KIFAP3: variants seen among roughly 807,000 people sequenced by gnomAD.
The protein encoded by KIFAP3 is kinesin associated protein 3.
KIFAP3 carries 68 observed loss-of-function variants against 106.5 expected under a neutral mutation model. The observed-to-expected ratio is 0.64, with a 90% CI of 0.53 to 0.78. The LOEUF (loss-of-function observed/expected upper bound fraction) is 0.78. KIFAP3 is among the 30% of genes least tolerant of loss of function. The probability of loss-of-function intolerance (pLI) is 0.00; values close to 1 mark genes in which losing one functional copy is unlikely to be tolerated. For synonymous variants in KIFAP3, 320 were observed against 311.5 expected (o/e 1.03, Z -0.29); for missense variants, 780 against 941.8 (o/e 0.83, Z 2.25).
intron 10 of KIFAP3, among the ~76,000 whole-genome samples, chr1:170,002,581 C>G (rs1042880910): frequency 6.6e-6 from 1 of 152,150 alleles, no homozygotes; most frequent in Non-Finnish European, 1.5e-5. Context: ...AAAATTTACA[C>G]AGGTAGAACT....
At chr1:169,940,180 T>C (rs1474126988) in intron 19 of KIFAP3, among the ~76,000 whole-genome samples, 4 of 152,204 alleles carry the variant, frequency 2.6e-5, no homozygotes, top group Non-Finnish European at 4.4e-5. Flanking sequence ...GAATAGTTTA[T>C]TGATTGAGTG....
chr1:169,970,686 C>T (rs530200023), intron 17 of KIFAP3, among the ~76,000 whole-genome samples: 2 of 152,080 alleles, frequency 1.3e-5, no homozygotes, highest in East Asian at 3.9e-4. Flanking sequence ...AATTTTAAGA[C>T]ATCATCCACT....
At position 169,994,819 on chromosome 1, in the gene KIFAP3, A is replaced by G. The variant is rs115397676; in HGVS notation, c.1184-2564T>C. 5.6e-3 allele frequency among the ~76,000 whole-genome samples: 853 copies of G among 152,138 alleles called. 9 individuals are homozygous for G. Among genetic ancestry groups the G allele is most frequent in the African/African-American group, 0.019 (780 of 41,552 alleles). ...TTAAGGTAAATTTCACATTTCTTCT[A>G]TTGTTTGAAGAGCTTTACTACAAAA... On this transcript the variant is annotated intron_variant, in intron 10 of 19. Transcript: ENST00000361580.
At chr1:169,985,647 G>A (rs1307419247) in intron 11 of KIFAP3, among the ~76,000 whole-genome samples, 1 of 151,922 alleles carries the variant, frequency 6.6e-6, no homozygotes, top group Non-Finnish European at 1.5e-5. Context: ...ACAGGCCTGA[G>A]TTTAGAAGAA....
At chr1:169,975,645 C>T (rs923597000) in intron 16 of KIFAP3, among the ~76,000 whole-genome samples, 3 of 151,892 alleles carry the variant, frequency 2.0e-5, no homozygotes, top group Non-Finnish European at 4.4e-5. Context: ...GACAGAGCCT[C>T]GTTCTGTCAT....
At chr1:169,978,268 GAAAAACT>G in intron 15 of KIFAP3, 85 bp from the exon 16 acceptor site, 1 of 857,296 alleles carries the variant, frequency 1.2e-6, no homozygotes, top group Non-Finnish European at 1.9e-6. Flanking sequence ...TATAGAACGA[GAAAAACT>G]AAAAGTGATA....
At chr1:170,016,659 C>T (rs1186463922) in intron 9 of KIFAP3, 35 bp from the exon 10 acceptor site, 1 of 1,312,084 alleles carries the variant, frequency 7.6e-7, no homozygotes, top group Non-Finnish European at 1.0e-6. Flanking sequence ...CAGTGAAGTT[C>T]TGTTGCAAAA....
At chr1:170,027,287 TG>T (rs1669166271) in intron 8 of KIFAP3, among the ~76,000 whole-genome samples, 1 of 152,182 alleles carries the variant, frequency 6.6e-6, no homozygotes, top group African/African-American at 2.4e-5. Context: ...CCCAAAGTGC[TG>T]GGATTACAGG....
chr1:169,959,808 CT>C (rs1332301890), intron 18 of KIFAP3, among the ~76,000 whole-genome samples: 1 of 152,042 alleles, frequency 6.6e-6, no homozygotes, highest in Non-Finnish European at 1.5e-5. Context: ...TTTATATCAT[CT>C]TACTTCATGA....
At chr1:169,994,340 T>C (rs1007646455) in intron 10 of KIFAP3, among the ~76,000 whole-genome samples, 3 of 152,218 alleles carry the variant, frequency 2.0e-5, no homozygotes, top group Non-Finnish European at 4.4e-5. Flanking sequence ...TTGATGCCTT[T>C]GGTATTCAAC....
chr1:169,926,488 C>T (rs1224033222), intron 19 of KIFAP3, among the ~76,000 whole-genome samples: 4 of 152,008 alleles, frequency 2.6e-5, no homozygotes, highest in Non-Finnish European at 4.4e-5. Context: ...CTATTGTAGG[C>T]TAAAACTGTA....
At chr1:170,015,370 A>C (rs1445156878) in intron 10 of KIFAP3, among the ~76,000 whole-genome samples, 2 of 152,158 alleles carry the variant, frequency 1.3e-5, no homozygotes, top group African/African-American at 4.8e-5. Context: ...ATTCAAGACC[A>C]ATCAACTTTA....
upstream of KIFAP3, among the ~76,000 whole-genome samples, chr1:170,077,495 G>A (rs547444151): frequency 6.6e-6 from 1 of 152,304 alleles, no homozygotes; most frequent in African/African-American, 2.4e-5. Context: ...TGACATGGAT[G>A]AATATTAGAA....
intron 9 of KIFAP3, among the ~76,000 whole-genome samples, chr1:170,023,025 G>A (rs1668930393): frequency 1.3e-5 from 2 of 152,038 alleles, no homozygotes; most frequent in African/African-American, 4.8e-5. Flanking sequence ...CTTATAGCAA[G>A]GGGAAGCAAT....
At chr1:169,957,639 T>A (rs1665097555) in intron 18 of KIFAP3, among the ~76,000 whole-genome samples, 1 of 152,170 alleles carries the variant, frequency 6.6e-6, no homozygotes, top group Non-Finnish European at 1.5e-5. Context: ...TAACTCTTTT[T>A]CTTTTTGAGA....
chr1:169,967,378 C>T (rs565406688), intron 17 of KIFAP3, among the ~76,000 whole-genome samples: 162 of 151,868 alleles, frequency 1.1e-3, no homozygotes, highest in Non-Finnish European at 1.9e-3. Flanking sequence ...GACCATCATT[C>T]GGGAATCTCT....
rs1016371062 is a variant in KIFAP3 at position 169,999,053 on chromosome 1, C to T, written c.1184-6798G>A. ...CTTTGGCAGCCAACATTTAATATTACGACTTAAAGGCTAATTTGCAGATCA... is the reference window on the plus strand; with the variant it reads ...CTTTGGCAGCCAACATTTAATATTATGACTTAAAGGCTAATTTGCAGATCA... On this transcript the variant is annotated intron_variant, in intron 10 of 19. Coordinates refer to ENST00000361580, the MANE Select transcript of KIFAP3 (RefSeq NM_014970.4). Among the ~76,000 whole-genome samples the T allele has an allele frequency of 1.8e-4, 27 of 152,200 alleles. 1 individual carries two copies. Among genetic ancestry groups the T allele is most frequent in the Admixed American group, 3.9e-4 (6 of 15,270 alleles).
intron 19 of KIFAP3, among the ~76,000 whole-genome samples, chr1:169,926,612 G>T (rs1663147449): frequency 1.3e-5 from 2 of 151,550 alleles, no homozygotes; most frequent in Non-Finnish European, 2.9e-5. Flanking sequence ...GTTATATATA[G>T]TTATATAATA....
intron 7 of KIFAP3, among the ~76,000 whole-genome samples, chr1:170,033,129 A>G (rs1468919453): frequency 4.0e-5 from 6 of 151,754 alleles, no homozygotes; most frequent in African/African-American, 1.4e-4. Flanking sequence ...TAGTTGAGTC[A>G]CTATCAATCT....
Sources: gnomAD v4.1 joint callset for allele counts (sites outside exome capture counted in the v4.1 genomes callset) on GRCh38, gnomAD v4.1.1 for gene constraint, MANE v1.5 for transcripts, NCBI Gene and HGNC (gene_info 2026-07-23, HGNC 2026-07-21) for gene names.